The following DIS3L2 variants were observed in gnomAD, a reference collection of about 807,000 sequenced individuals.
The protein encoded by DIS3L2 is DIS3 like 3'-5' exoribonuclease 2, also known as DIS3-like exonuclease 2.
Under a neutral mutation model 97.5 loss-of-function variants are expected in DIS3L2, and 34 were observed. The observed-to-expected ratio is 0.35, with a 90% confidence interval of 0.27 to 0.46. The LOEUF is 0.46. Among genes scored for constraint, DIS3L2 ranks in the 20% least tolerant of loss-of-function variants. DIS3L2 has a pLI of 1.00. For missense variants in DIS3L2, 1,038 were observed against 1,146.0 expected, an observed-to-expected ratio of 0.91 and a Z score of 1.36; for synonymous variants, 435 against 445.2, an observed-to-expected ratio of 0.98 and a Z score of 0.29.
At chr2:232,169,334 C>A (rs1034453941) in intron 9 of DIS3L2, among the ~76,000 whole-genome samples, 1 of 151,690 alleles carries the variant, frequency 6.6e-6, no homozygotes, top group Non-Finnish European at 1.5e-5. Flanking sequence ...TCATATATGC[C>A]GTATATGTCA....
intron 8 of DIS3L2, among the ~76,000 whole-genome samples, chr2:232,144,396 A>T (rs535289208): frequency 6.6e-6 from 1 of 152,128 alleles, no homozygotes; most frequent in South Asian, 2.1e-4. Flanking sequence ...TTTCCTAATT[A>T]CTGATGAGGT....
At chr2:232,091,214 T>G (rs903361515) in intron 6 of DIS3L2, among the ~76,000 whole-genome samples, 1 of 152,224 alleles carries the variant, frequency 6.6e-6, no homozygotes, top group South Asian at 2.1e-4. Context: ...GCTTTAAAAA[T>G]GTTCAGCTGT....
At chr2:232,215,350 G>A (rs926016786) in intron 10 of DIS3L2, among the ~76,000 whole-genome samples, 3 of 152,022 alleles carry the variant, frequency 2.0e-5, no homozygotes, top group African/African-American at 7.2e-5. Context: ...GCAGCCCTCT[G>A]ACTCAAAAAA....
At chr2:232,149,242 A>G (rs991754215) in intron 8 of DIS3L2, among the ~76,000 whole-genome samples, 4 of 146,728 alleles carry the variant, frequency 2.7e-5, no homozygotes, top group Non-Finnish European at 4.5e-5. Context: ...ACATGTGCAC[A>G]TTGTGCAGGT....
Position 232,281,312 on chromosome 2 carries a change from G to T in DIS3L2, c.1659+17872G>T, listed in dbSNP as rs971808762. 6.6e-6 allele frequency among the ~76,000 whole-genome samples: 1 copy of T among 152,144 alleles called. No individual in the cohort carries two copies. The highest frequency in any genetic ancestry group is 1.5e-5 in the Non-Finnish European group (1 of 68,010). On this transcript the variant is annotated intron_variant, in intron 13 of 20. Transcript: ENST00000325385. The surrounding 1 kb of genome is among the most constrained non-coding windows in gnomAD (Gnocchi z 4.1). ...TATTTGGGAGGCTGAGGCAGGAGAA[G>T]GGCGTGAACCCGGGAGGCGGAGCTT...
chr2:232,208,423 G>C (rs1164743885), intron 9 of DIS3L2, among the ~76,000 whole-genome samples: 1 of 152,044 alleles, frequency 6.6e-6, no homozygotes, highest in African/African-American at 2.4e-5. Context: ...CAATTTTCCT[G>C]TCTCAGTCTC....
Position 232,082,089 on chromosome 2 carries a change from C to G in DIS3L2, c.367-5398C>G, listed in dbSNP as rs544120313. On this transcript the variant is annotated intron_variant, in intron 5 of 20. Transcript: ENST00000325385. Reference sequence around the variant, plus strand: ...GCAAGCATGAGCCACCGTGCCCGGCCTCACATCCTTACTTTTAACCAGTAT... The same window carrying G: ...GCAAGCATGAGCCACCGTGCCCGGCGTCACATCCTTACTTTTAACCAGTAT... Among the ~76,000 whole-genome samples the G allele has an allele frequency of 1.2e-4, 18 of 152,294 alleles. No homozygotes were observed. In the South Asian group the frequency reaches 3.7e-3, roughly 32 times the overall value.
At chr2:231,962,083 T>C (rs531637657) in intron 1 of DIS3L2, among the ~76,000 whole-genome samples, 1 of 152,280 alleles carries the variant, frequency 6.6e-6, no homozygotes, top group East Asian at 1.9e-4. Flanking sequence ...AGCCTGTTGC[T>C]GTAGAGAGGA....
intron 10 of DIS3L2, among the ~76,000 whole-genome samples, chr2:232,227,905 A>G (rs1692690439): frequency 6.6e-6 from 1 of 152,214 alleles, no homozygotes; most frequent in South Asian, 2.1e-4. Flanking sequence ...ATTGAAAATT[A>G]TATATCTCTT....
chr2:232,125,091 C>T (rs1006231224), intron 6 of DIS3L2, among the ~76,000 whole-genome samples: 1 of 152,182 alleles, frequency 6.6e-6, no homozygotes, highest in African/African-American at 2.4e-5. Context: ...ACGCTCTCTT[C>T]TCCCTTTCTA....
Position 232,330,012 on chromosome 2 carries a change from G to A in DIS3L2, c.1923+16G>A, listed in dbSNP as rs762295893. On this transcript the variant is annotated intron_variant, in intron 15 of 20. Coordinates refer to ENST00000325385, the MANE Select transcript of DIS3L2 (RefSeq NM_152383.5). ...AGCCCTCAATGTGAGTGGTGGGCAG[G>A]ATTCGGGGGAGGCCCTGCTTGGGGG... 26 of 1,593,494 alleles carry A rather than the reference G, an allele frequency of 1.6e-5. No homozygotes were observed. The Admixed American group carries it at 4.5e-4, about 27-fold the overall frequency.
intron 5 of DIS3L2, among the ~76,000 whole-genome samples, chr2:232,063,504 A>G (rs7560285): frequency 0.013 from 2,032 of 152,206 alleles, 54 homozygotes; most frequent in African/African-American, 0.046. Flanking sequence ...GCCTCTTCAG[A>G]AGCTTCCAGC....
Position 232,087,573 on chromosome 2 carries a change from G to C in DIS3L2, c.453G>C (p.Pro151=), listed in dbSNP as rs567611268. ...IPEELCGHHL[P]QQSLKSYNDS... ...AGGAGCTCTGTGGACACCATCTCCCGCAACAGTCCCTGAAAAGCTATAATG... is the reference window on the plus strand; with the variant it reads ...AGGAGCTCTGTGGACACCATCTCCCCCAACAGTCCCTGAAAAGCTATAATG... The change falls in exon 6 of 21, where the codon CCG becomes CCC. Residue 151 remains proline (P), a synonymous_variant. Transcript: ENST00000325385. 9 of 1,613,982 alleles carry C rather than the reference G, an allele frequency of 5.6e-6. No homozygotes were observed. In the Middle Eastern group the frequency reaches 4.9e-4, roughly 89 times the overall value.
intron 5 of DIS3L2, among the ~76,000 whole-genome samples, chr2:232,057,062 A>G (rs1192119364): frequency 6.6e-6 from 1 of 152,248 alleles, no homozygotes. Context: ...TATATACAAT[A>G]GAATACTGTA....
chr2:232,199,650 AT>A (rs1691840687), intron 9 of DIS3L2, among the ~76,000 whole-genome samples: 1 of 152,216 alleles, frequency 6.6e-6, no homozygotes, highest in Admixed American at 6.5e-5. Context: ...ATAGTATTTG[AT>A]TATTTGTGTA....
chr2:232,086,628 T>C lies in DIS3L2; in HGVS notation c.367-859T>C, dbSNP rs11693093. On this transcript the variant is annotated intron_variant, in intron 5 of 20. Coordinates refer to ENST00000325385, the MANE Select transcript of DIS3L2 (RefSeq NM_152383.5). ...GTGTGTGTGTGTATATATATATATA[T>C]ACACATATATATATATGTATATATA... is the stretch of plus-strand genomic sequence containing the variant. Among the ~76,000 whole-genome samples, 464 of 97,640 alleles carry C rather than the reference T, an allele frequency of 4.8e-3. 8 individuals carry two copies. Among genetic ancestry groups the C allele is most frequent in the African/African-American group, 0.012 (283 of 24,250 alleles). The allele number at this position is 97,640 out of a possible 152,430, so 64.1% of individuals were successfully genotyped here. A position where few individuals can be genotyped will look rare whatever the true frequency, so the allele number is the denominator to read the frequency against.
intron 6 of DIS3L2, among the ~76,000 whole-genome samples, chr2:232,129,941 G>A (rs1381930823): frequency 6.6e-6 from 1 of 152,196 alleles, no homozygotes; most frequent in Non-Finnish European, 1.5e-5. Context: ...TTGTTCATGA[G>A]TGTTTTTAAT....
intron 10 of DIS3L2, among the ~76,000 whole-genome samples, chr2:232,217,703 A>C (rs750874666): frequency 6.6e-6 from 1 of 152,240 alleles, no homozygotes; most frequent in Non-Finnish European, 1.5e-5. Context: ...CAAAGGATCC[A>C]GATAAACAGT....
intron 5 of DIS3L2, 144 bp downstream of exon 5, chr2:232,030,224 A>T: frequency 4.4e-6 from 3 of 675,932 alleles, no homozygotes; most frequent in Non-Finnish European, 7.5e-6. Context: ...GAAGCATGCT[A>T]CCGAATGCTT....
Sources: allele counts gnomAD v4.1 joint callset (sites outside exome capture counted in the v4.1 genomes callset), GRCh38; gene constraint gnomAD v4.1.1; non-coding constraint Gnocchi (gnomAD v3.1); transcripts MANE v1.5; gene names NCBI Gene and HGNC (gene_info 2026-07-23, HGNC 2026-07-21).